GSE1: variants seen among roughly 807,000 people sequenced by gnomAD.
GSE1 encodes the protein Gse1 coiled-coil protein.
Under a neutral mutation model 112.6 loss-of-function variants are expected in GSE1, and 32 were observed. That is an observed-to-expected ratio of 0.28 (90% CI 0.21 to 0.38). The LOEUF (loss-of-function observed/expected upper bound fraction) is 0.38. Among genes scored for constraint, GSE1 ranks in the 10% least tolerant of loss-of-function variants. The probability of loss-of-function intolerance (pLI) is 1.00; values close to 1 mark genes in which losing one functional copy is unlikely to be tolerated. For synonymous variants in GSE1, 1,115 were observed against 735.6 expected, an observed-to-expected ratio of 1.52 and a Z score of -8.35; for missense variants, 2,348 against 1,699.2, an observed-to-expected ratio of 1.38 and a Z score of -6.71.
intron 2 of GSE1, among the ~76,000 whole-genome samples, chr16:85,453,053 T>A (rs2151807472): frequency 6.6e-6 from 1 of 152,270 alleles, no homozygotes; most frequent in African/African-American, 2.4e-5. Flanking sequence ...GACACCAGGA[T>A]TTTGTGTGAT....
intron 2 of GSE1, among the ~76,000 whole-genome samples, chr16:85,483,257 G>A (rs1330316038): frequency 1.3e-5 from 2 of 152,256 alleles, no homozygotes; most frequent in Non-Finnish European, 2.9e-5. Context: ...CGAGCTTTCA[G>A]AGGAGGAAGC....
At chr16:85,315,245 A>G (rs2045962598) in intron 1 of GSE1, among the ~76,000 whole-genome samples, 1 of 152,178 alleles carries the variant, frequency 6.6e-6, no homozygotes, top group Non-Finnish European at 1.5e-5. Flanking sequence ...GGGAGGCCAC[A>G]CAGCTCTGCC....
At chr16:85,607,944 T>G (rs1260410058), upstream of GSE1, among the ~76,000 whole-genome samples, 2 of 152,182 alleles carry the variant, frequency 1.3e-5, no homozygotes, top group Non-Finnish European at 1.5e-5. Flanking sequence ...TCTCAGGCAC[T>G]GCTTGGAGAC....
At chr16:85,215,968 T>C (rs1451474578) in intron 1 of GSE1, among the ~76,000 whole-genome samples, 1 of 152,094 alleles carries the variant, frequency 6.6e-6, no homozygotes, top group Non-Finnish European at 1.5e-5. Flanking sequence ...GCAGAGCCCT[T>C]GGAGGGGTGG....
At chr16:85,449,520 C>T in intron 2 of GSE1, among the ~76,000 whole-genome samples, 1 of 152,240 alleles carries the variant, frequency 6.6e-6, no homozygotes, top group African/African-American at 2.4e-5. Context: ...TTTCCATAGG[C>T]CCAGATGAAG....
At chr16:85,397,982 G>A (rs1247570121) in intron 2 of GSE1, among the ~76,000 whole-genome samples, 1 of 152,044 alleles carries the variant, frequency 6.6e-6, no homozygotes, top group Non-Finnish European at 1.5e-5. Flanking sequence ...GAATCGTGGG[G>A]GTGGGGTTGG....
intron 8 of GSE1, among the ~76,000 whole-genome samples, chr16:85,660,284 C>G (rs2052323533): frequency 6.6e-6 from 1 of 152,222 alleles, no homozygotes; most frequent in South Asian, 2.1e-4. Context: ...TCTGCCTTCC[C>G]TAGCAGCTTA....
chr16:85,601,005 TG>T (rs10711857), intron 1 of GSE1, among the ~76,000 whole-genome samples: 13,258 of 151,162 alleles, frequency 0.088, 1,900 homozygotes, highest in African/African-American at 0.3. Context: ...CTTCCACCAG[TG>T]GGGGGGTTAG....
At position 85,666,289 on chromosome 16, in the gene GSE1, A is replaced by G; in HGVS notation, c.3072A>G (p.Ala1024=). ...AGCCCTTTGTGGCAGAAGAGTTTGC[A>G]CATCAGTTCCACGAGTCAGTGCTGC... ...PWEPFVAEEF[A]HQFHESVLQS... Residue 1024 remains alanine (A), a synonymous_variant, in exon 13 of 16, where the codon GCA becomes GCG. Coordinates refer to ENST00000253458, the MANE Select transcript of GSE1 (RefSeq NM_014615.5). 6.2e-7 allele frequency: 1 copy of G among 1,613,882 alleles called. No individual in the cohort carries two copies. Among genetic ancestry groups the G allele is most frequent in the East Asian group, 2.2e-5 (1 of 44,884 alleles).
chr16:85,627,194 C>T (rs1376930647), intron 1 of GSE1, among the ~76,000 whole-genome samples: 5 of 147,810 alleles, frequency 3.4e-5, no homozygotes, highest in Admixed American at 6.7e-5. Context: ...CACCCGGGGG[C>T]GGTGGTCTTT....
At chr16:85,658,402 C>T (rs1459171294) in intron 8 of GSE1, among the ~76,000 whole-genome samples, 1 of 152,204 alleles carries the variant, frequency 6.6e-6, no homozygotes, top group Admixed American at 6.5e-5. Flanking sequence ...CCTCAACTGT[C>T]CACAAAGGAG....
intron 1 of GSE1, among the ~76,000 whole-genome samples, chr16:85,576,794 G>A (rs1253322349): frequency 6.6e-6 from 1 of 152,174 alleles, no homozygotes; most frequent in Non-Finnish European, 1.5e-5. Context: ...GCCCTGGTGT[G>A]TCCTTGGGGA....
At chr16:85,336,362 C>T (rs1268628278) in intron 1 of GSE1, among the ~76,000 whole-genome samples, 1 of 152,206 alleles carries the variant, frequency 6.6e-6, no homozygotes, top group East Asian at 1.9e-4. Flanking sequence ...CAAGGAGCTC[C>T]CGGCCTAAGC....
chr16:85,647,127 C>T lies in GSE1; in HGVS notation c.227-1425C>T, dbSNP rs184421811. 7.2e-5 allele frequency among the ~76,000 whole-genome samples: 11 copies of T among 152,338 alleles called. No homozygotes were observed. The East Asian group carries it at 7.7e-4, about 11-fold the overall frequency. On this transcript the variant is annotated intron_variant, in intron 2 of 15. Transcript: ENST00000253458. ...TGGGAACACTCCTCCCCGTCCTCCC[C>T]GGTCCAAACCCCTGCCGCACCTGCA...
chr16:85,550,581 G>A (rs74031837), intron 2 of GSE1, among the ~76,000 whole-genome samples: 4,180 of 152,254 alleles, frequency 0.027, 62 homozygotes, highest in South Asian at 0.046. Flanking sequence ...CCAGAGGGGG[G>A]GGTTGTGGCC....
intron 2 of GSE1, among the ~76,000 whole-genome samples, chr16:85,508,956 C>A (rs1188596932): frequency 6.6e-6 from 1 of 152,164 alleles, no homozygotes; most frequent in Non-Finnish European, 1.5e-5. Flanking sequence ...CGCTGCTGGT[C>A]ACTGGCGACT....
chr16:85,475,279 G>A (rs1437085638), intron 2 of GSE1, among the ~76,000 whole-genome samples: 2 of 152,226 alleles, frequency 1.3e-5, no homozygotes, highest in Non-Finnish European at 2.9e-5. Flanking sequence ...AGCAGTGCAA[G>A]TACAGACAAG....
chr16:85,535,960 A>G (rs773089067), intron 2 of GSE1, among the ~76,000 whole-genome samples: 10 of 152,228 alleles, frequency 6.6e-5, no homozygotes, highest in Non-Finnish European at 1.3e-4. Context: ...CCTGCCATAC[A>G]CAGGCTCTAG....
At chr16:85,316,598 G>T (rs1053586437) in intron 1 of GSE1, among the ~76,000 whole-genome samples, 3 of 152,342 alleles carry the variant, frequency 2.0e-5, no homozygotes, top group Admixed American at 1.3e-4. Context: ...GTGGCCAGTA[G>T]GGGGCAGTGG....
Sources: allele counts gnomAD v4.1 joint callset (sites outside exome capture counted in the v4.1 genomes callset), GRCh38; gene constraint gnomAD v4.1.1; transcripts MANE v1.5; gene names NCBI Gene and HGNC (gene_info 2026-07-23, HGNC 2026-07-21).